RIT2: variants seen among roughly 807,000 people sequenced by gnomAD.
The protein encoded by RIT2 is Ras like without CAAX 2, also known as GTP-binding protein Rit2.
Under a neutral mutation model 23.7 loss-of-function variants are expected in RIT2, and 24 were observed. The observed-to-expected ratio is 1.01, with a 90% CI of 0.73 to 1.43. The LOEUF is 1.43. Among genes scored for constraint, RIT2 ranks in the 40% most tolerant of loss-of-function variants. The probability of loss-of-function intolerance (pLI) is 0.00; values close to 1 mark genes in which losing one functional copy is unlikely to be tolerated. For synonymous variants in RIT2, 107 were observed against 91.1 expected (o/e 1.17, Z -0.99); for missense variants, 236 against 266.9 (o/e 0.88, Z 0.81).
chr18:42,935,268 G>A (rs566729178), intron 3 of RIT2, among the ~76,000 whole-genome samples: 31 of 152,298 alleles, frequency 2.0e-4, no homozygotes, highest in African/African-American at 7.2e-4. Context: ...CAGATGCTGA[G>A]ATGACTCCGA....
intron 2 of RIT2, among the ~76,000 whole-genome samples, chr18:42,979,291 C>T (rs1208019810): frequency 6.6e-6 from 1 of 151,070 alleles, no homozygotes; most frequent in Non-Finnish European, 1.5e-5. Flanking sequence ...ATAAGACCAC[C>T]AAAATATATA....
chr18:43,061,740 G>A (rs1912651499), intron 1 of RIT2, among the ~76,000 whole-genome samples: 1 of 152,014 alleles, frequency 6.6e-6, no homozygotes, highest in East Asian at 1.9e-4. Flanking sequence ...CTCACAGAAG[G>A]AAACCCACTT....
At chr18:43,057,275 T>C (rs529045094) in intron 1 of RIT2, among the ~76,000 whole-genome samples, 10 of 152,124 alleles carry the variant, frequency 6.6e-5, no homozygotes, top group Admixed American at 6.6e-4. Flanking sequence ...GATACCACAA[T>C]CTTACTTATT....
chr18:43,054,731 A>T (rs1003341959), intron 1 of RIT2, among the ~76,000 whole-genome samples: 2 of 152,070 alleles, frequency 1.3e-5, no homozygotes, highest in African/African-American at 4.8e-5. Flanking sequence ...AAATAAGGTG[A>T]TTCGCCAAAA....
At chr18:43,012,029 T>C (rs2144255037) in intron 2 of RIT2, among the ~76,000 whole-genome samples, 1 of 151,912 alleles carries the variant, frequency 6.6e-6, no homozygotes, top group South Asian at 2.1e-4. Context: ...TGTCTATTTT[T>C]CCCATGTTCA....
At chr18:42,839,992 T>C (rs987913929) in intron 4 of RIT2, among the ~76,000 whole-genome samples, 8 of 152,226 alleles carry the variant, frequency 5.3e-5, no homozygotes, top group African/African-American at 1.9e-4. Flanking sequence ...AAAGTTTCCC[T>C]AATTTTTGTG....
At chr18:43,097,919 A>G (rs909013612) in intron 1 of RIT2, among the ~76,000 whole-genome samples, 8 of 151,978 alleles carry the variant, frequency 5.3e-5, no homozygotes, top group African/African-American at 1.9e-4. Flanking sequence ...ACACAAATGG[A>G]TATTAAAAAC....
intron 1 of RIT2, among the ~76,000 whole-genome samples, chr18:43,089,653 A>G (rs181444398): frequency 6.6e-6 from 1 of 152,254 alleles, no homozygotes; most frequent in East Asian, 1.9e-4. Flanking sequence ...ACAGGGCTAC[A>G]GTAACCAAAA....
chr18:43,057,506 T>C (rs549218249), intron 1 of RIT2, among the ~76,000 whole-genome samples: 1 of 152,286 alleles, frequency 6.6e-6, no homozygotes, highest in Admixed American at 6.5e-5. Flanking sequence ...GAATCTCATG[T>C]TTCAACACAT....
chr18:42,900,518 C>G (rs1908447755), intron 4 of RIT2, among the ~76,000 whole-genome samples: 1 of 152,042 alleles, frequency 6.6e-6, no homozygotes, highest in Non-Finnish European at 1.5e-5. Context: ...CTAAAGAGCT[C>G]ACAAGAAAAT....
intron 4 of RIT2, among the ~76,000 whole-genome samples, chr18:42,852,049 G>A (rs544068675): frequency 6.6e-6 from 1 of 152,084 alleles, no homozygotes; most frequent in South Asian, 2.1e-4. Flanking sequence ...AGTTCAAAGT[G>A]CACCACAAGG....
At chr18:42,833,702 A>G (rs1278146651) in intron 4 of RIT2, among the ~76,000 whole-genome samples, 2 of 152,186 alleles carry the variant, frequency 1.3e-5, no homozygotes, top group Non-Finnish European at 2.9e-5. Flanking sequence ...TCAATTAGAG[A>G]AGTGACTTGT....
At chr18:43,085,036 G>T (rs1185301774) in intron 1 of RIT2, among the ~76,000 whole-genome samples, 1 of 152,058 alleles carries the variant, frequency 6.6e-6, no homozygotes, top group Non-Finnish European at 1.5e-5. Flanking sequence ...AGGTAGGAAA[G>T]AGTAGGAAAG....
intron 4 of RIT2, among the ~76,000 whole-genome samples, chr18:42,797,862 A>G (rs1905419088): frequency 6.6e-6 from 1 of 152,208 alleles, no homozygotes; most frequent in Admixed American, 6.5e-5. Context: ...GGCAAGGCAT[A>G]CAAGGGAATA....
intron 4 of RIT2, among the ~76,000 whole-genome samples, chr18:42,786,347 G>A (rs566488590): frequency 1.3e-5 from 2 of 152,058 alleles, no homozygotes; most frequent in South Asian, 4.2e-4. Flanking sequence ...TTTACTCGAG[G>A]CATTTAAAAA....
At chr18:42,982,972 C>G (rs1452984308) in intron 2 of RIT2, among the ~76,000 whole-genome samples, 1 of 151,568 alleles carries the variant, frequency 6.6e-6, no homozygotes, top group African/African-American at 2.4e-5. Flanking sequence ...TATAGCATAA[C>G]TATTTAAAAT....
rs1321329619 is a variant in RIT2, at chr18:42,847,547, T to C, written c.426+76025A>G. Among the ~76,000 whole-genome samples, 3 of 152,152 alleles carry C rather than the reference T, an allele frequency of 2.0e-5. No homozygotes were observed. In the East Asian group the frequency reaches 5.8e-4, roughly 29 times the overall value. ...TGTAGGTAGTGCATTTAATAAATCT[T>C]CATGCACCCCAAGATGGTTGCGTCA... On this transcript the variant is annotated intron_variant, in intron 4 of 4. Coordinates refer to ENST00000326695, the MANE Select transcript of RIT2 (RefSeq NM_002930.4).
At chr18:42,927,925 A>C (rs1909224201) in intron 3 of RIT2, among the ~76,000 whole-genome samples, 1 of 151,990 alleles carries the variant, frequency 6.6e-6, no homozygotes, top group Admixed American at 6.6e-5. Flanking sequence ...AATTTTAAGC[A>C]GGTATTAGAA....
intron 4 of RIT2, among the ~76,000 whole-genome samples, chr18:42,777,237 G>C (rs970390992): frequency 6.6e-6 from 1 of 150,782 alleles, no homozygotes; most frequent in Non-Finnish European, 1.5e-5. Context: ...CCTTCCAATG[G>C]AGAAGAAGAA....
Sources: allele counts gnomAD v4.1 joint callset (sites outside exome capture counted in the v4.1 genomes callset), GRCh38; gene constraint gnomAD v4.1.1; transcripts MANE v1.5; gene names NCBI Gene and HGNC (gene_info 2026-07-23, HGNC 2026-07-21).